The following PRKAG2 variants were observed in gnomAD, a reference collection of about 807,000 sequenced individuals.
PRKAG2 encodes 5'-AMP-activated protein kinase subunit gamma-2.
In PRKAG2, 26 loss-of-function variants were observed where a neutral mutation model predicts 69.6. The observed-to-expected ratio is 0.37, with a 90% CI of 0.27 to 0.52. The LOEUF is 0.52. Among genes scored for constraint, PRKAG2 ranks in the 20% least tolerant of loss-of-function variants. PRKAG2 has a pLI of 0.90. For synonymous variants in PRKAG2, 293 were observed against 285.0 expected, an observed-to-expected ratio of 1.03 and a Z score of -0.28; for missense variants, 557 against 740.0, an observed-to-expected ratio of 0.75 and a Z score of 2.87.
At chr7:151,588,365 A>AT (rs562565665) in intron 6 of PRKAG2, among the ~76,000 whole-genome samples, 26,321 of 144,872 alleles carry the variant, frequency 0.18, 2,522 homozygotes, top group East Asian at 0.27. Flanking sequence ...ACAAGATCTG[A>AT]TTTTTTTTTT....
intron 4 of PRKAG2, 165 bp downstream of exon 4, chr7:151,675,255 C>T: frequency 9.0e-6 from 7 of 779,464 alleles, no homozygotes; most frequent in South Asian, 8.8e-5. Flanking sequence ...ATTGTGCCCT[C>T]ACCATTTCTC....
chr7:151,563,249 G>A (rs906992283), intron 14 of PRKAG2, among the ~76,000 whole-genome samples: 2 of 152,084 alleles, frequency 1.3e-5, no homozygotes, highest in African/African-American at 4.8e-5. Context: ...CTTCTGTGAG[G>A]AGTCATCTTG....
Position 151,781,406 on chromosome 7 carries a change from C to A in PRKAG2, c.212G>T (p.Ser71Ile). The A allele has an allele frequency of 6.2e-7, 1 of 1,610,208 alleles. No homozygotes were observed. Among genetic ancestry groups the A allele is most frequent in the Non-Finnish European group, 8.5e-7 (1 of 1,178,552 alleles). The change falls in exon 3 of 16, where the codon AGC (serine) becomes ATC (isoleucine). Residue 71 changes from serine (S) to isoleucine (I), a missense_variant. Physicochemically the swap from Ser to Ile is moderately radical, Grantham distance 142. This residue lies in a region of PRKAG2 where 352 missense variants were observed against 356.7 expected (regional missense o/e 0.99). Transcript: ENST00000287878. The surrounding 1 kb of genome is among the most constrained non-coding windows in gnomAD (Gnocchi z 6.1). ...TCTGGAGAAGAACCCTTTGGAGGGG[C>A]TGCCCGGGCCGAAGGGGCTGTCCAC... ...RKVDSPFGPG[S>I]PSKGFFSRGP...
rs913792268 is a variant in PRKAG2 at position 151,836,303 on chromosome 7, G to A, written c.114+40204C>T. ...CAGCACCAGCCCGAGACAGACTGTG[G>A]TCTGACTGCAGGCTGACACACCTGG... On this transcript the variant is annotated intron_variant, in intron 1 of 15. Transcript: ENST00000287878. This position sits in a 1 kb window ranked among gnomAD's most constrained non-coding sequence, Gnocchi z 4.1. Among the ~76,000 whole-genome samples, 1 of 152,164 alleles carries A rather than the reference G, an allele frequency of 6.6e-6. No homozygotes were observed. Among genetic ancestry groups the A allele is most frequent in the African/African-American group, 2.4e-5 (1 of 41,436 alleles).
intron 3 of PRKAG2, among the ~76,000 whole-genome samples, chr7:151,732,894 T>C (rs2151687217): frequency 6.6e-6 from 1 of 152,204 alleles, no homozygotes; most frequent in East Asian, 1.9e-4. Flanking sequence ...GGTTTCATCA[T>C]GTTGACCAGG....
intron 3 of PRKAG2, among the ~76,000 whole-genome samples, chr7:151,741,332 T>C (rs1232739208): frequency 1.3e-5 from 2 of 151,878 alleles, no homozygotes; most frequent in African/African-American, 2.4e-5. Flanking sequence ...AATGAAAAGG[T>C]TTTGTTTCAG....
intron 4 of PRKAG2, among the ~76,000 whole-genome samples, chr7:151,642,322 G>A (rs1468927384): frequency 1.1e-4 from 16 of 152,056 alleles, no homozygotes; most frequent in African/African-American, 3.6e-4. Flanking sequence ...CAGCCTGGGC[G>A]ACAGAGCGAG....
At position 151,807,109 on chromosome 7, in the gene PRKAG2, AC is replaced by A. The variant is rs2151846544; in HGVS notation, c.115-20569del. On this transcript the variant is annotated intron_variant, in intron 1 of 15. Coordinates refer to ENST00000287878, the MANE Select transcript of PRKAG2 (RefSeq NM_016203.4). This position sits in a 1 kb window ranked among gnomAD's most constrained non-coding sequence, Gnocchi z 4.4. ...GCAGAGGCTGTAAAGGGTCAGAGGGACCTTGTGGAGTGGTGGAAATGTTCCA... is the reference window on the plus strand; with the variant it reads ...GCAGAGGCTGTAAAGGGTCAGAGGGACTTGTGGAGTGGTGGAAATGTTCCA... 2.1e-5 allele frequency: 8 copies of A among 389,922 alleles called. No homozygotes were observed. Among genetic ancestry groups the A allele is most frequent in the South Asian group, 1.6e-4 (8 of 51,334 alleles). 24.2% of individuals were successfully genotyped at this position (389,922 alleles called of 1,614,324 possible). A position where few individuals can be genotyped will look rare whatever the true frequency, so the allele number is the denominator to read the frequency against.
At position 151,781,983 on chromosome 7, in the gene PRKAG2, C is replaced by G. The variant is rs1158195595; in HGVS notation, c.187-552G>C. On this transcript the variant is annotated intron_variant, in intron 2 of 15. Transcript: ENST00000287878. This position sits in a 1 kb window ranked among gnomAD's most constrained non-coding sequence, Gnocchi z 6.1. ...CAACAGAAGTCAGGAGAAAAGTTCA[C>G]AAAGCCAGCCGGGTACGGTGACTCA... 6.6e-6 allele frequency among the ~76,000 whole-genome samples: 1 copy of G among 152,062 alleles called. No homozygotes were observed. The highest frequency in any genetic ancestry group is 2.4e-5 in the African/African-American group (1 of 41,402).
chr7:151,678,051 C>T (rs1206950256), intron 3 of PRKAG2, among the ~76,000 whole-genome samples: 1 of 152,198 alleles, frequency 6.6e-6, no homozygotes, highest in Non-Finnish European at 1.5e-5. Flanking sequence ...TCTCCCCAGG[C>T]ATCTCTGCTG....
chr7:151,733,804 T>C (rs6464166), intron 3 of PRKAG2, among the ~76,000 whole-genome samples: 31,950 of 151,768 alleles, frequency 0.21, 3,536 homozygotes, highest in South Asian at 0.37. Context: ...CAAGCGATCT[T>C]CCCACTTCAG....
intron 3 of PRKAG2, among the ~76,000 whole-genome samples, chr7:151,754,291 C>A (rs190988165): frequency 6.6e-6 from 1 of 152,358 alleles, no homozygotes; most frequent in Admixed American, 6.5e-5. Context: ...AGGGACCACA[C>A]GGGATGCCAG....
At chr7:151,602,095 G>A (rs1201528018) in intron 5 of PRKAG2, among the ~76,000 whole-genome samples, 14 of 152,242 alleles carry the variant, frequency 9.2e-5, no homozygotes, top group Admixed American at 9.2e-4. Context: ...GTCCGCCATC[G>A]CTGCTAAGGA....
At chr7:151,624,251 C>G (rs1243466849) in intron 5 of PRKAG2, among the ~76,000 whole-genome samples, 1 of 151,704 alleles carries the variant, frequency 6.6e-6, no homozygotes, top group Non-Finnish European at 1.5e-5. Flanking sequence ...TGGTTCAGCA[C>G]AGCCTCAACC....
intron 1 of PRKAG2, among the ~76,000 whole-genome samples, chr7:151,803,254 G>A (rs537125624): frequency 3.9e-5 from 6 of 152,252 alleles, no homozygotes; most frequent in Admixed American, 2.0e-4. Flanking sequence ...CACTGTGCCT[G>A]ACCTAGATAA....
chr7:151,564,011 C>T lies in PRKAG2; in HGVS notation c.1584+67G>A, dbSNP rs28764000. 3,263 of 1,605,966 alleles carry T rather than the reference C, an allele frequency of 2.0e-3. 55 individuals carry two copies. In the African/African-American group the frequency reaches 0.037, roughly 18 times the overall value. On this transcript the variant is annotated intron_variant, in intron 14 of 15. Coordinates refer to ENST00000287878, the MANE Select transcript of PRKAG2 (RefSeq NM_016203.4). ...TTCCTGAGATTCAGGCTTCCAGAGGCATCATTCACTACTGGGGACTTGTTG... is the reference window on the plus strand; with the variant it reads ...TTCCTGAGATTCAGGCTTCCAGAGGTATCATTCACTACTGGGGACTTGTTG...
chr7:151,738,599 G>C (rs2073637702), intron 3 of PRKAG2, among the ~76,000 whole-genome samples: 1 of 152,280 alleles, frequency 6.6e-6, no homozygotes. Context: ...ACAATAGCAT[G>C]AGCGATCTGT....
chr7:151,840,746 C>T (rs957305448), intron 1 of PRKAG2, among the ~76,000 whole-genome samples: 15 of 152,358 alleles, frequency 9.8e-5, no homozygotes, highest in Middle Eastern at 3.4e-3. Context: ...GGCCCCAAGC[C>T]GGCCTGCTTC....
At chr7:151,749,561 A>G (rs1052744807) in intron 3 of PRKAG2, among the ~76,000 whole-genome samples, 2 of 152,228 alleles carry the variant, frequency 1.3e-5, no homozygotes, top group African/African-American at 4.8e-5. Context: ...TTTGCAAGTC[A>G]TATATCTGAT....
Sources: allele counts gnomAD v4.1 joint callset (sites outside exome capture counted in the v4.1 genomes callset), GRCh38; gene constraint gnomAD v4.1.1; regional missense constraint gnomAD v4.1.1; non-coding constraint Gnocchi (gnomAD v3.1); transcripts MANE v1.5; gene names NCBI Gene and HGNC (gene_info 2026-07-23, HGNC 2026-07-21).